HS3ST2: variants seen among roughly 807,000 people sequenced by gnomAD.
HS3ST2 encodes the protein heparan sulfate glucosamine 3-O-sulfotransferase 2.
Under a neutral mutation model 26.3 loss-of-function variants are expected in HS3ST2, and 17 were observed. The observed-to-expected ratio is 0.65, with a 90% CI of 0.44 to 0.97. HS3ST2 has a LOEUF of 0.97. Among genes scored for constraint, HS3ST2 ranks in the 50% least tolerant of loss-of-function variants. The probability of loss-of-function intolerance (pLI) is 0.00; values close to 1 mark genes in which losing one functional copy is unlikely to be tolerated. For missense variants in HS3ST2, 402 were observed against 501.2 expected (o/e 0.80, Z 1.89); for synonymous variants, 237 against 219.2 (o/e 1.08, Z -0.72).
In HS3ST2 at chr16:22,827,857, G is replaced by A. The variant is rs187240261; in HGVS notation, c.485+12762G>A. On this transcript the variant is annotated intron_variant, in intron 1 of 1. Coordinates refer to ENST00000261374, the MANE Select transcript of HS3ST2 (RefSeq NM_006043.2). Reference sequence around the variant, plus strand: ...CTCCCTAATATGAAACTACGGGCATGAGGCACCATGCCCGGCTAATTTTTG... The same window carrying A: ...CTCCCTAATATGAAACTACGGGCATAAGGCACCATGCCCGGCTAATTTTTG... Among the ~76,000 whole-genome samples, 359 of 151,766 alleles carry A rather than the reference G, an allele frequency of 2.4e-3. 3 individuals are homozygous for A. Among genetic ancestry groups the A allele is most frequent in the Non-Finnish European group, 1.9e-3 (127 of 67,908 alleles).
At chr16:22,889,557 G>A (rs904183080) in intron 1 of HS3ST2, among the ~76,000 whole-genome samples, 1 of 152,144 alleles carries the variant, frequency 6.6e-6, no homozygotes, top group Non-Finnish European at 1.5e-5. Flanking sequence ...TGCTCAATTG[G>A]TAAGTATAAT....
At chr16:22,849,178 C>G (rs748812586) in intron 1 of HS3ST2, among the ~76,000 whole-genome samples, 1 of 152,184 alleles carries the variant, frequency 6.6e-6, no homozygotes, top group Non-Finnish European at 1.5e-5. Context: ...TGTAGACCCA[C>G]TCTCTGGCAG....
At chr16:22,884,161 C>T (rs1902029107) in intron 1 of HS3ST2, among the ~76,000 whole-genome samples, 1 of 152,180 alleles carries the variant, frequency 6.6e-6, no homozygotes, top group Non-Finnish European at 1.5e-5. Context: ...ACATCTGATA[C>T]CTACAGGGTG....
At chr16:22,853,068 C>T (rs1278989560) in intron 1 of HS3ST2, among the ~76,000 whole-genome samples, 4 of 152,164 alleles carry the variant, frequency 2.6e-5, no homozygotes, top group Non-Finnish European at 5.9e-5. Flanking sequence ...TTGCATATAG[C>T]AGCATGCACA....
chr16:22,863,222 C>T (rs568973133), intron 1 of HS3ST2, among the ~76,000 whole-genome samples: 8 of 152,312 alleles, frequency 5.3e-5, no homozygotes, highest in African/African-American at 1.7e-4. Flanking sequence ...CAGTAGACAT[C>T]GTTGCCGATT....
At chr16:22,882,052 C>T (rs1478861458) in intron 1 of HS3ST2, among the ~76,000 whole-genome samples, 2 of 152,166 alleles carry the variant, frequency 1.3e-5, no homozygotes, top group Non-Finnish European at 2.9e-5. Context: ...TTATTTCTTA[C>T]ATCACATTTT....
At chr16:22,837,352 G>A (rs1187961815) in intron 1 of HS3ST2, among the ~76,000 whole-genome samples, 1 of 151,690 alleles carries the variant, frequency 6.6e-6, no homozygotes, top group East Asian at 1.9e-4. Context: ...CCCATAGCAA[G>A]TACTATATAG....
intron 1 of HS3ST2, among the ~76,000 whole-genome samples, chr16:22,896,692 G>A (rs1396225249): frequency 2.0e-5 from 3 of 152,022 alleles, no homozygotes; most frequent in East Asian, 1.9e-4. Context: ...ATTCTTTTTG[G>A]TACTAGCTTA....
At chr16:22,903,253 A>G (rs1902303957) in intron 1 of HS3ST2, among the ~76,000 whole-genome samples, 1 of 152,308 alleles carries the variant, frequency 6.6e-6, no homozygotes, top group Admixed American at 6.5e-5. Flanking sequence ...TAGTTTCCTC[A>G]GTACAAAAAC....
At chr16:22,815,993 C>T (rs1218382508) in intron 1 of HS3ST2, among the ~76,000 whole-genome samples, 1 of 152,204 alleles carries the variant, frequency 6.6e-6, no homozygotes, top group African/African-American at 2.4e-5. Context: ...ACTGTCTATG[C>T]TTCCCATGCA....
chr16:22,904,016 AAAC>A (rs1271538715), intron 1 of HS3ST2, among the ~76,000 whole-genome samples: 2 of 152,136 alleles, frequency 1.3e-5, no homozygotes, highest in Non-Finnish European at 2.9e-5. Context: ...AGGAATAATC[AAAC>A]AACTGGCTGA....
intron 1 of HS3ST2, among the ~76,000 whole-genome samples, chr16:22,822,126 A>G (rs1476650244): frequency 6.6e-6 from 1 of 152,138 alleles, no homozygotes; most frequent in Admixed American, 6.5e-5. Context: ...GAATTTTTTC[A>G]GATTTCAGAC....
chr16:22,915,212 A>C lies in HS3ST2; in HGVS notation c.754A>C (p.Met252Leu). Reference sequence around the variant, plus strand: ...GTCATGGAACGCCATCCGCATCGGCATGTACGTGCTGCACCTGGAGAGCTG... The same window carrying C: ...GTCATGGAACGCCATCCGCATCGGCCTGTACGTGCTGCACCTGGAGAGCTG... ...DVSWNAIRIGMYVLHLESWLQ... is the reference protein window; with the variant it reads ...DVSWNAIRIGLYVLHLESWLQ... The change falls in exon 2 of 2, where the codon ATG becomes CTG. Residue 252 changes from methionine (M) to leucine (L), a missense_variant. By Grantham distance (15) the Met-to-Leu change is conservative. Around this residue, in one of 2 missense-constraint regions of HS3ST2, gnomAD observed 237 missense variants for 346.6 expected, o/e 0.68. Transcript: ENST00000261374. 1 of 1,614,164 alleles carries C rather than the reference A, an allele frequency of 6.2e-7. No individual in the cohort carries two copies. Among genetic ancestry groups the C allele is most frequent in the South Asian group, 1.1e-5 (1 of 91,078 alleles).
intron 1 of HS3ST2, among the ~76,000 whole-genome samples, chr16:22,825,307 A>G (rs1161727569): frequency 6.6e-6 from 1 of 152,190 alleles, no homozygotes; most frequent in Non-Finnish European, 1.5e-5. Flanking sequence ...GGCGCATGAG[A>G]GGTATTAAAA....
intron 1 of HS3ST2, among the ~76,000 whole-genome samples, chr16:22,876,944 T>G (rs367591077): frequency 2.7e-4 from 41 of 152,062 alleles, no homozygotes; most frequent in Middle Eastern, 3.2e-3. Context: ...ACACAATGGC[T>G]AAGAATGATA....
chr16:22,848,583 C>T (rs1207100228), intron 1 of HS3ST2, among the ~76,000 whole-genome samples: 1 of 152,118 alleles, frequency 6.6e-6, no homozygotes, highest in Non-Finnish European at 1.5e-5. Context: ...CCTTTGAATA[C>T]CTTTAGAAAG....
intron 1 of HS3ST2, among the ~76,000 whole-genome samples, chr16:22,875,974 TG>T (rs536888564): frequency 2.0e-5 from 3 of 152,330 alleles, no homozygotes; most frequent in Non-Finnish European, 4.4e-5. Context: ...CCATATAATA[TG>T]GGTGTGTAGT....
At chr16:22,815,302 C>A (rs1176885939) in intron 1 of HS3ST2, among the ~76,000 whole-genome samples, 1 of 152,240 alleles carries the variant, frequency 6.6e-6, no homozygotes, top group Non-Finnish European at 1.5e-5. Context: ...CTGCAAAGGG[C>A]GTTCCCTCGT....
chr16:22,868,921 G>T (rs1287566462), intron 1 of HS3ST2, among the ~76,000 whole-genome samples: 1 of 151,990 alleles, frequency 6.6e-6, no homozygotes, highest in African/African-American at 2.4e-5. Context: ...GCCCATTAAT[G>T]AAGCAGCAGT....
Sources: gnomAD v4.1 joint callset for allele counts (sites outside exome capture counted in the v4.1 genomes callset) on GRCh38, gnomAD v4.1.1 for gene constraint, gnomAD v4.1.1 regional missense constraint, MANE v1.5 for transcripts, NCBI Gene and HGNC (gene_info 2026-07-23, HGNC 2026-07-21) for gene names.